Variants in XRCC2 observed in about 807,000 individuals in gnomAD.
The protein encoded by XRCC2 is DNA repair protein XRCC2.
A neutral mutation model predicts 27.3 loss-of-function variants in XRCC2; 24 were observed. The observed-to-expected ratio is 0.88, with a 90% CI of 0.64 to 1.24. XRCC2 has a LOEUF of 1.24. Among genes scored for constraint, XRCC2 ranks in the 50% most tolerant of loss-of-function variants. The pLI is 0.00. For synonymous variants in XRCC2, 106 were observed against 115.4 expected, an observed-to-expected ratio of 0.92 and a Z score of 0.52; for missense variants, 321 against 325.8, an observed-to-expected ratio of 0.99 and a Z score of 0.11.
chr7:152,675,753 GTTA>G (rs2098040732), intron 1 of XRCC2, among the ~76,000 whole-genome samples: 1 of 152,194 alleles, frequency 6.6e-6, no homozygotes, highest in Non-Finnish European at 1.5e-5. Context: ...GACCTCGTAT[GTTA>G]TATCGATCTG....
chr7:152,655,400 C>CA (rs2098030290), intron 2 of XRCC2, among the ~76,000 whole-genome samples: 1 of 152,036 alleles, frequency 6.6e-6, no homozygotes, highest in African/African-American at 2.4e-5. Flanking sequence ...AACTCCTATC[C>CA]AAAAAAGCAT....
Position 152,645,946 on chromosome 7 carries a change from A to G in XRCC2, c.*2696T>C, listed in dbSNP as rs2098025635. On this transcript the variant is annotated 3_prime_UTR_variant, in exon 3 of 3. Coordinates refer to ENST00000359321, the MANE Select transcript of XRCC2 (RefSeq NM_005431.2). ...AAAACAGCAAATATGTATTTTAAAA[A>G]CCAGCCTAAAACTGTCATTTTAACT... 3 of 152,164 alleles carry G rather than the reference A, an allele frequency of 2.0e-5. No individual in the cohort carries two copies. Among genetic ancestry groups the G allele is most frequent in the Admixed American group, 1.3e-4 (2 of 15,260 alleles). 9.4% of individuals were successfully genotyped at this position (152,164 alleles called of 1,614,324 possible).
At chr7:152,662,603 C>G (rs1309921881) in intron 1 of XRCC2, among the ~76,000 whole-genome samples, 2 of 118,200 alleles carry the variant, frequency 1.7e-5, no homozygotes, top group African/African-American at 3.4e-5. Context: ...GACGGAGTCT[C>G]GCTCTGTCGC....
intron 1 of XRCC2, among the ~76,000 whole-genome samples, chr7:152,662,461 G>A (rs2098033526): frequency 6.7e-6 from 1 of 150,298 alleles, no homozygotes; most frequent in South Asian, 2.1e-4. Flanking sequence ...AGACAAAACT[G>A]ATTCTCAAGT....
At chr7:152,660,636 G>A in intron 2 of XRCC2, 65 bp downstream of exon 2, 3 of 1,388,544 alleles carry the variant, frequency 2.2e-6, no homozygotes, top group South Asian at 1.2e-5. Context: ...GTATACATGT[G>A]AGCTTATGTG....
intron 1 of XRCC2, among the ~76,000 whole-genome samples, chr7:152,665,510 T>TTTTA (rs869122513): frequency 8.4e-5 from 12 of 143,704 alleles, no homozygotes; most frequent in Admixed American, 6.8e-4. Flanking sequence ...TTTTTTTTTT[T>TTTTA]AGACAGGGTC....
chr7:152,666,982 C>T (rs1248724460), intron 1 of XRCC2, among the ~76,000 whole-genome samples: 2 of 152,132 alleles, frequency 1.3e-5, no homozygotes, highest in Non-Finnish European at 2.9e-5. Flanking sequence ...TCTTCAAAGG[C>T]ATGTATACGA....
chr7:152,670,892 A>G (rs1457300263), intron 1 of XRCC2, among the ~76,000 whole-genome samples: 1 of 152,162 alleles, frequency 6.6e-6, no homozygotes, highest in Non-Finnish European at 1.5e-5. Context: ...CGCCCAGCCC[A>G]TACAGATGTT....
chr7:152,665,681 TA>T (rs2098035329), intron 1 of XRCC2, among the ~76,000 whole-genome samples: 1 of 151,870 alleles, frequency 6.6e-6, no homozygotes, highest in Non-Finnish European at 1.5e-5. Context: ...AGGGTCTCAC[TA>T]TGTTGCCCAG....
intron 1 of XRCC2, among the ~76,000 whole-genome samples, chr7:152,668,414 C>G (rs932168750): frequency 6.6e-6 from 1 of 152,158 alleles, no homozygotes; most frequent in Non-Finnish European, 1.5e-5. Context: ...CTCCAAAAAT[C>G]TGACATAGGC....
chr7:152,667,749 G>C (rs2098036572), intron 1 of XRCC2, among the ~76,000 whole-genome samples: 1 of 152,076 alleles, frequency 6.6e-6, no homozygotes, highest in Non-Finnish European at 1.5e-5. Context: ...ATTAACAATT[G>C]TAATTGTTGC....
intron 1 of XRCC2, among the ~76,000 whole-genome samples, chr7:152,674,265 C>G (rs1187943108): frequency 3.3e-5 from 5 of 152,122 alleles, no homozygotes; most frequent in Non-Finnish European, 5.9e-5. Flanking sequence ...GGATACAAGG[C>G]TTGTTCTGAT....
chr7:152,649,433 CA>C, intron 2 of XRCC2, 70 bp from the exon 3 acceptor site: 1 of 1,488,484 alleles, frequency 6.7e-7, no homozygotes, highest in Non-Finnish European at 8.9e-7. Context: ...GCAAAGTCTG[CA>C]AAAAAGTTTA....
In XRCC2 at chr7:152,660,618, G is replaced by A. The variant is rs3218474; in HGVS notation, c.121+83C>T. On this transcript the variant is annotated intron_variant, in intron 2 of 2. Coordinates refer to ENST00000359321, the MANE Select transcript of XRCC2 (RefSeq NM_005431.2). ...TTTAACCTGTATAAACTCTTGTGAG[G>A]AGTATGTGTATACATGTGAGCTTAT... 9.7e-5 allele frequency: 108 copies of A among 1,110,976 alleles called. No homozygotes were observed. In the African/African-American group the frequency reaches 1.2e-3, roughly 13 times the overall value. The allele number at this position is 1,110,976 out of a possible 1,614,324, so 68.8% of individuals were successfully genotyped here. A position where few individuals can be genotyped will look rare whatever the true frequency, so the allele number is the denominator to read the frequency against.
intron 1 of XRCC2, among the ~76,000 whole-genome samples, chr7:152,661,969 T>A (rs1388463636): frequency 1.3e-5 from 2 of 152,106 alleles, no homozygotes; most frequent in African/African-American, 4.8e-5. Flanking sequence ...ATTATCCACT[T>A]CTTTTTCTTT....
intron 1 of XRCC2, among the ~76,000 whole-genome samples, chr7:152,670,176 C>A (rs2098037607): frequency 6.6e-6 from 1 of 152,092 alleles, no homozygotes; most frequent in African/African-American, 2.4e-5. Context: ...AACTAAATTC[C>A]CTACTGAATG....
At chr7:152,657,375 C>T (rs968353269) in intron 2 of XRCC2, among the ~76,000 whole-genome samples, 4 of 151,894 alleles carry the variant, frequency 2.6e-5, no homozygotes, top group South Asian at 2.1e-4. Context: ...TCTCGGCTCA[C>T]TGCAACCTCT....
intron 1 of XRCC2, among the ~76,000 whole-genome samples, chr7:152,674,933 T>G (rs2098040267): frequency 6.6e-6 from 1 of 151,768 alleles, no homozygotes; most frequent in Non-Finnish European, 1.5e-5. Flanking sequence ...TTTATTTATC[T>G]ATGACTGCCT....
intron 1 of XRCC2, among the ~76,000 whole-genome samples, chr7:152,671,493 T>C (rs2098038165): frequency 6.6e-6 from 1 of 152,102 alleles, no homozygotes; most frequent in Admixed American, 6.6e-5. Flanking sequence ...ACAATCACAA[T>C]CATAAATTTA....
Sources: allele counts gnomAD v4.1 joint callset (sites outside exome capture counted in the v4.1 genomes callset), GRCh38; gene constraint gnomAD v4.1.1; transcripts MANE v1.5; gene names NCBI Gene and HGNC (gene_info 2026-07-23, HGNC 2026-07-21).